Variants in GNG12 observed in about 807,000 individuals in gnomAD.
The protein encoded by GNG12 is guanine nucleotide-binding protein G(I)/G(S)/G(O) subunit gamma-12.
For synonymous variants in GNG12, 28 were observed against 29.7 expected (o/e 0.94, Z 0.19); for missense variants, 69 against 83.8 (o/e 0.82, Z 0.69).
intron 2 of GNG12, among the ~76,000 whole-genome samples, chr1:67,743,264 G>A (rs182881479): frequency 6.6e-6 from 1 of 152,264 alleles, no homozygotes; most frequent in Admixed American, 6.5e-5. Flanking sequence ...AAATCTCAGT[G>A]TCAAGATTTA....
At chr1:67,729,311 C>T (rs1223451930) in intron 2 of GNG12, among the ~76,000 whole-genome samples, 13 of 152,324 alleles carry the variant, frequency 8.5e-5, no homozygotes, top group South Asian at 2.1e-4. Flanking sequence ...TTCATCCAGA[C>T]GGCCTGCCAG....
At chr1:67,821,115 T>C (rs145075281) in intron 1 of GNG12, among the ~76,000 whole-genome samples, 3 of 152,324 alleles carry the variant, frequency 2.0e-5, no homozygotes, top group Non-Finnish European at 4.4e-5. Context: ...ATTGGAATGA[T>C]TCTTCATGGT....
chr1:67,773,496 GGAGTC>G (rs748612992), intron 2 of GNG12, among the ~76,000 whole-genome samples: 80 of 152,218 alleles, frequency 5.3e-4, no homozygotes, highest in African/African-American at 1.6e-3. Flanking sequence ...TCAAATACTT[GGAGTC>G]AAGTCTCATG....
chr1:67,745,559 C>T (rs1447565357), intron 2 of GNG12, among the ~76,000 whole-genome samples: 1 of 152,166 alleles, frequency 6.6e-6, no homozygotes, highest in Admixed American at 6.5e-5. Flanking sequence ...TATTTCTTTG[C>T]ATCTCTATTT....
intron 1 of GNG12, among the ~76,000 whole-genome samples, chr1:67,780,703 A>G (rs991673343): frequency 2.0e-5 from 3 of 152,230 alleles, no homozygotes; most frequent in Non-Finnish European, 2.9e-5. Flanking sequence ...AAATCCAGCC[A>G]GTTCCAAGGA....
At chr1:67,803,010 T>C (rs1336568241) in intron 1 of GNG12, among the ~76,000 whole-genome samples, 1 of 152,240 alleles carries the variant, frequency 6.6e-6, no homozygotes, top group Non-Finnish European at 1.5e-5. Flanking sequence ...AAAAAGCTAG[T>C]GCATTTCGCA....
At chr1:67,779,556 C>T (rs532097846) in intron 1 of GNG12, among the ~76,000 whole-genome samples, 4 of 152,222 alleles carry the variant, frequency 2.6e-5, no homozygotes, top group Non-Finnish European at 4.4e-5. Flanking sequence ...GTTCTTTCTG[C>T]CCAACATGTC....
At chr1:67,812,134 T>A (rs374051528) in intron 1 of GNG12, among the ~76,000 whole-genome samples, 11 of 152,168 alleles carry the variant, frequency 7.2e-5, no homozygotes, top group African/African-American at 2.2e-4. Flanking sequence ...AAATCAGTCA[T>A]CTTTCATTAG....
chr1:67,747,815 C>T (rs1032867561), intron 2 of GNG12, among the ~76,000 whole-genome samples: 1 of 152,156 alleles, frequency 6.6e-6, no homozygotes, highest in Non-Finnish European at 1.5e-5. Context: ...CTCCTCTTCC[C>T]GGAACAAACA....
intron 2 of GNG12, among the ~76,000 whole-genome samples, chr1:67,737,437 A>C (rs1232595456): frequency 6.6e-6 from 1 of 152,188 alleles, no homozygotes; most frequent in Non-Finnish European, 1.5e-5. Context: ...TGGTAAGAAG[A>C]GCTCTGGGCC....
At chr1:67,814,324 C>T (rs2100812932) in intron 1 of GNG12, among the ~76,000 whole-genome samples, 1 of 152,298 alleles carries the variant, frequency 6.6e-6, no homozygotes, top group Non-Finnish European at 1.5e-5. Flanking sequence ...TTCCAACATT[C>T]ACTCTGAACT....
At chr1:67,729,607 G>A (rs190573185) in intron 2 of GNG12, among the ~76,000 whole-genome samples, 6 of 152,250 alleles carry the variant, frequency 3.9e-5, no homozygotes, top group Non-Finnish European at 4.4e-5. Context: ...CAATGGCCTT[G>A]GTTTTCTTGG....
chr1:67,793,337 A>C (rs1646812205), intron 1 of GNG12, among the ~76,000 whole-genome samples: 1 of 152,194 alleles, frequency 6.6e-6, no homozygotes, highest in Non-Finnish European at 1.5e-5. Context: ...TTAATAAATA[A>C]AATGCAATAA....
At chr1:67,790,210 G>T (rs1301346038) in intron 1 of GNG12, among the ~76,000 whole-genome samples, 1 of 152,132 alleles carries the variant, frequency 6.6e-6, no homozygotes, top group Non-Finnish European at 1.5e-5. Context: ...CCTACCACCT[G>T]CTTCCTGGGT....
At chr1:67,733,682 G>T (rs1646434361) in intron 2 of GNG12, among the ~76,000 whole-genome samples, 1 of 152,166 alleles carries the variant, frequency 6.6e-6, no homozygotes, top group Non-Finnish European at 1.5e-5. Flanking sequence ...GTAAATTTCT[G>T]CAATTTCTTT....
At chr1:67,773,940 C>T (rs1156247223) in intron 2 of GNG12, among the ~76,000 whole-genome samples, 1 of 152,114 alleles carries the variant, frequency 6.6e-6, no homozygotes, top group East Asian at 1.9e-4. Context: ...CTAAGCAAGA[C>T]CAACAGAGAA....
intron 2 of GNG12, among the ~76,000 whole-genome samples, chr1:67,708,641 G>A (rs1473852134): frequency 6.6e-6 from 1 of 152,194 alleles, no homozygotes; most frequent in Non-Finnish European, 1.5e-5. Context: ...TCAAGAGGAA[G>A]GCAGGCTGGG....
chr1:67,819,753 A>G (rs1326669361), intron 1 of GNG12, among the ~76,000 whole-genome samples: 2 of 152,158 alleles, frequency 1.3e-5, no homozygotes, highest in Admixed American at 6.5e-5. Context: ...CTACCACAGG[A>G]GCCTTCTTTT....
chr1:67,734,301 C>T (rs1320054817), intron 2 of GNG12, among the ~76,000 whole-genome samples: 1 of 152,018 alleles, frequency 6.6e-6, no homozygotes, highest in East Asian at 1.9e-4. Flanking sequence ...GGGCATGCTT[C>T]TTCTTTGATA....
Sources: allele counts gnomAD v4.1 joint callset (sites outside exome capture counted in the v4.1 genomes callset), GRCh38; gene constraint gnomAD v4.1.1; transcripts MANE v1.5; gene names NCBI Gene and HGNC (gene_info 2026-07-23, HGNC 2026-07-21).